The following LUZP2 variants were observed in gnomAD, a reference collection of about 807,000 sequenced individuals.
LUZP2 encodes leucine zipper protein 2.
Under a neutral mutation model 51.6 loss-of-function variants are expected in LUZP2, and 52 were observed. The ratio of observed to expected loss-of-function variants is 1.01; its 90% CI spans 0.81 to 1.27. LUZP2 has a LOEUF of 1.27. Among genes scored for constraint, LUZP2 ranks in the 50% most tolerant of loss-of-function variants. The pLI is 0.00. For synonymous variants in LUZP2, 154 were observed against 137.3 expected (o/e 1.12, Z -0.85); for missense variants, 436 against 395.4 (o/e 1.10, Z -0.87).
intron 5 of LUZP2, among the ~76,000 whole-genome samples, chr11:24,830,971 G>A (rs1850685266): frequency 6.6e-6 from 1 of 151,962 alleles, no homozygotes; most frequent in African/African-American, 2.4e-5. Flanking sequence ...TCCAGTCTGG[G>A]AGACAGAGAG....
At chr11:24,737,409 ATTTCTGTAGCCAGGAAT>A (rs1188950945) in intron 3 of LUZP2, among the ~76,000 whole-genome samples, 2 of 151,958 alleles carry the variant, frequency 1.3e-5, no homozygotes, top group African/African-American at 4.8e-5. Context: ...CTTTGAGAGA[ATTTCTGTAGCCAGGAAT>A]TGCCACACAT....
At chr11:24,541,515 C>T (rs1851364012) in intron 1 of LUZP2, among the ~76,000 whole-genome samples, 1 of 151,998 alleles carries the variant, frequency 6.6e-6, no homozygotes, top group Non-Finnish European at 1.5e-5. Context: ...CACTTTCTCA[C>T]CTTTTACCAT....
rs1857413584 is a variant in LUZP2, at chr11:25,023,983, A to G, written c.766-26055A>G. 1.3e-5 allele frequency among the ~76,000 whole-genome samples: 2 copies of G among 152,142 alleles called. 1 individual carries two copies. The highest frequency in any genetic ancestry group is 4.1e-4 in the South Asian group (2 of 4,830). On this transcript the variant is annotated intron_variant, in intron 9 of 11. Coordinates refer to ENST00000336930, the MANE Select transcript of LUZP2 (RefSeq NM_001009909.4). ...TAATCCTGAGTTCTAGTTTGATTGCACTGTGGTCTGAGAGACAGTTTGTTA... is the reference window on the plus strand; with the variant it reads ...TAATCCTGAGTTCTAGTTTGATTGCGCTGTGGTCTGAGAGACAGTTTGTTA...
At chr11:25,029,829 A>G (rs1041746801) in intron 9 of LUZP2, among the ~76,000 whole-genome samples, 1 of 151,320 alleles carries the variant, frequency 6.6e-6, no homozygotes, top group Admixed American at 6.6e-5. Flanking sequence ...ACATATACAC[A>G]TTTTTACAGG....
intron 1 of LUZP2, among the ~76,000 whole-genome samples, chr11:24,513,568 T>C (rs889430312): frequency 6.6e-6 from 1 of 152,204 alleles, no homozygotes; most frequent in African/African-American, 2.4e-5. Context: ...AAATATTCTT[T>C]TTGAATATTC....
At chr11:24,894,419 C>T (rs534290270) in intron 5 of LUZP2, among the ~76,000 whole-genome samples, 1 of 152,134 alleles carries the variant, frequency 6.6e-6, no homozygotes, top group Non-Finnish European at 1.5e-5. Flanking sequence ...AAGTGATTCA[C>T]CCGCCTCGGC....
chr11:24,550,189 T>C (rs1000243658), intron 1 of LUZP2, among the ~76,000 whole-genome samples: 1 of 152,104 alleles, frequency 6.6e-6, no homozygotes. Flanking sequence ...CTGATACTAA[T>C]TGCTATAAAT....
chr11:24,673,303 A>C (rs150026586), intron 1 of LUZP2, among the ~76,000 whole-genome samples: 19 of 152,292 alleles, frequency 1.2e-4, no homozygotes, highest in African/African-American at 4.3e-4. Flanking sequence ...TCTTGTTGAC[A>C]AAAATGTCAT....
At chr11:24,799,141 A>C (rs1849625696) in intron 5 of LUZP2, among the ~76,000 whole-genome samples, 1 of 152,202 alleles carries the variant, frequency 6.6e-6, no homozygotes, top group African/African-American at 2.4e-5. Context: ...ATGCTAAATA[A>C]AACTTTTGAT....
intron 11 of LUZP2, among the ~76,000 whole-genome samples, 198 bp from the exon 12 acceptor site, chr11:25,078,355 AG>A (rs1859376960): frequency 2.6e-5 from 4 of 152,202 alleles, no homozygotes; most frequent in Admixed American, 2.6e-4. Flanking sequence ...TGCTGTTTTT[AG>A]GCAAAATATT....
chr11:24,562,848 T>TG (rs1852093076), intron 1 of LUZP2, among the ~76,000 whole-genome samples: 3 of 136,800 alleles, frequency 2.2e-5, no homozygotes, highest in African/African-American at 8.2e-5. Context: ...GGTGACAGAG[T>TG]GAGACTCCAT....
At position 24,629,455 on chromosome 11, in the gene LUZP2, G is replaced by A. The variant is rs144348385; in HGVS notation, c.63-99714G>A. On this transcript the variant is annotated intron_variant, in intron 1 of 11. Coordinates refer to ENST00000336930, the MANE Select transcript of LUZP2 (RefSeq NM_001009909.4). ...AGTATTCCATTGCATATATATATAT[G>A]CATTATACATTATACATTATATATA... Among the ~76,000 whole-genome samples the A allele has an allele frequency of 4.0e-3, 587 of 146,128 alleles. 4 individuals are homozygous for A. The highest frequency in any genetic ancestry group is 7.5e-3 in the Middle Eastern group (2 of 266).
chr11:24,822,566 T>A (rs1295772391), intron 5 of LUZP2, among the ~76,000 whole-genome samples: 2 of 152,178 alleles, frequency 1.3e-5, no homozygotes, highest in East Asian at 1.9e-4. Context: ...TTGTGATGGT[T>A]ATTGTTCTTT....
chr11:24,837,826 C>T (rs903627035), intron 5 of LUZP2, among the ~76,000 whole-genome samples: 1 of 151,514 alleles, frequency 6.6e-6, no homozygotes, highest in East Asian at 1.9e-4. Context: ...CCTTTACTGT[C>T]CCCCATCTTA....
Position 24,689,942 on chromosome 11 carries a change from G to C in LUZP2, c.63-39227G>C, listed in dbSNP as rs183199411. Among the ~76,000 whole-genome samples the C allele has an allele frequency of 2.5e-4, 38 of 150,926 alleles. No individual in the cohort carries two copies. The East Asian group carries it at 7.0e-3, about 28-fold the overall frequency. On this transcript the variant is annotated intron_variant, in intron 1 of 11. Transcript: ENST00000336930. ...GAATTTTATAAACTGTAAAAATAAG[G>C]GTAGTGAGGATTCTTAGAGAATATC... is the stretch of plus-strand genomic sequence containing the variant.
chr11:24,932,375 T>C (rs1379366201), intron 7 of LUZP2, among the ~76,000 whole-genome samples: 2 of 152,152 alleles, frequency 1.3e-5, no homozygotes, highest in African/African-American at 4.8e-5. Flanking sequence ...CGAGATTATG[T>C]ACTTTGTCTT....
At chr11:25,021,139 T>A (rs1349685636) in intron 9 of LUZP2, among the ~76,000 whole-genome samples, 1 of 152,024 alleles carries the variant, frequency 6.6e-6, no homozygotes, top group Non-Finnish European at 1.5e-5. Flanking sequence ...TTTATTATAG[T>A]AGGGAAAATA....
intron 5 of LUZP2, among the ~76,000 whole-genome samples, chr11:24,824,395 G>GAAAAAAAA (rs1850464075): frequency 7.7e-5 from 2 of 26,070 alleles, no homozygotes; most frequent in African/African-American, 1.9e-4. Flanking sequence ...AAAAAAAAAT[G>GAAAAAAAA]AGTGGTACCA....
chr11:24,836,659 C>T (rs1184892822), intron 5 of LUZP2, among the ~76,000 whole-genome samples: 1 of 151,804 alleles, frequency 6.6e-6, no homozygotes, highest in Non-Finnish European at 1.5e-5. Context: ...TTAAGAGATA[C>T]TACACAAGGG....
Sources: gnomAD v4.1 joint callset for allele counts (sites outside exome capture counted in the v4.1 genomes callset) on GRCh38, gnomAD v4.1.1 for gene constraint, MANE v1.5 for transcripts, NCBI Gene and HGNC (gene_info 2026-07-23, HGNC 2026-07-21) for gene names.